Variants in CTNNA1 observed in about 807,000 individuals in gnomAD.
CTNNA1 encodes catenin alpha 1, also known as catenin alpha-1.
In CTNNA1, 37 loss-of-function variants were observed where a neutral mutation model predicts 98.4. The observed-to-expected ratio is 0.38, with a 90% CI of 0.29 to 0.49. The LOEUF is 0.49. CTNNA1 is among the 20% of genes least tolerant of loss of function. The pLI is 0.95. For synonymous variants in CTNNA1, 404 were observed against 413.2 expected (o/e 0.98, Z 0.27); for missense variants, 761 against 1,147.2 (o/e 0.66, Z 4.86).
At chr5:138,915,282 C>T (rs187804109) in intron 10 of CTNNA1, among the ~76,000 whole-genome samples, 1 of 152,208 alleles carries the variant, frequency 6.6e-6, no homozygotes, top group African/African-American at 2.4e-5. Context: ...TGAATACAGC[C>T]GAAGGATCTG....
Position 138,849,002 on chromosome 5 carries a change from G to A in CTNNA1, c.1062+21284G>A, listed in dbSNP as rs780349577. On this transcript the variant is annotated intron_variant, in intron 7 of 17. Transcript: ENST00000302763. ...CTCCCAAATTGCTGGGATTACAGGC[G>A]TGAGCCACCTTGCCCTGCCTGGCAT... Among the ~76,000 whole-genome samples, 63 of 152,100 alleles carry A rather than the reference G, an allele frequency of 4.1e-4. 1 individual carries two copies. Among genetic ancestry groups the A allele is most frequent in the Non-Finnish European group, 1.5e-4 (10 of 68,008 alleles).
chr5:138,825,479 T>A, intron 6 of CTNNA1, among the ~76,000 whole-genome samples: 1 of 110,714 alleles, frequency 9.0e-6, no homozygotes, highest in African/African-American at 3.6e-5. Flanking sequence ...GGCAGCAGTA[T>A]AAGTTTTTTT....
At chr5:138,821,864 G>A (rs1760084050) in intron 5 of CTNNA1, among the ~76,000 whole-genome samples, 1 of 152,028 alleles carries the variant, frequency 6.6e-6, no homozygotes, top group Non-Finnish European at 1.5e-5. Context: ...TCAGTAATCT[G>A]GATTACTTAT....
intron 9 of CTNNA1, 63 bp downstream of exon 9, chr5:138,887,705 C>G: frequency 7.1e-7 from 1 of 1,413,198 alleles, no homozygotes; most frequent in East Asian, 2.3e-5. Context: ...GAGTTTTAAT[C>G]ACATTATTTA....
In CTNNA1 at chr5:138,781,979, G is replaced by C. The variant is rs2149651919; in HGVS notation, c.55G>C (p.Glu19Gln). The stretch of plus-strand genomic sequence containing the variant: ...CTTCAAGTGGGATCCTAAAAGTCTA[G>C]AGATCAGGACTCTGGCAGTTGAGAG... ...INFKWDPKSL[E>Q]IRTLAVERLL... The change falls in exon 2 of 18, where the codon GAG becomes CAG. Residue 19 changes from glutamate (E) to glutamine (Q), a missense_variant. Coordinates refer to ENST00000302763, the MANE Select transcript of CTNNA1 (RefSeq NM_001903.5). 1 of 1,604,204 alleles carries C rather than the reference G, an allele frequency of 6.2e-7. No individual in the cohort carries two copies. Among genetic ancestry groups the C allele is most frequent in the Non-Finnish European group, 8.5e-7 (1 of 1,177,952 alleles).
rs184453000 is a variant in CTNNA1, at chr5:138,800,665, T to C, written c.302-9373T>C. ...AAAGAATAGAAAAATTAGCCAGGCA[T>C]GGTGGCGCATGCCTGTAATCCGAGC... On this transcript the variant is annotated intron_variant, in intron 3 of 17. Transcript: ENST00000302763. Among the ~76,000 whole-genome samples, 144 of 152,094 alleles carry C rather than the reference T, an allele frequency of 9.5e-4. 1 individual carries two copies. Among genetic ancestry groups the C allele is most frequent in the African/African-American group, 3.3e-3 (138 of 41,486 alleles).
chr5:138,763,497 G>A (rs1752589220), intron 1 of CTNNA1, among the ~76,000 whole-genome samples: 1 of 151,958 alleles, frequency 6.6e-6, no homozygotes, highest in South Asian at 2.1e-4. Context: ...TGTGTACTAC[G>A]ACACCCAGCT....
intron 7 of CTNNA1, among the ~76,000 whole-genome samples, chr5:138,829,671 A>C (rs1160042004): frequency 1.3e-5 from 2 of 152,208 alleles, no homozygotes; most frequent in African/African-American, 4.8e-5. Context: ...TATACTGAAG[A>C]CATGGAGACT....
intron 7 of CTNNA1, among the ~76,000 whole-genome samples, chr5:138,846,354 C>T (rs1762728648): frequency 1.3e-5 from 2 of 152,174 alleles, no homozygotes; most frequent in African/African-American, 4.8e-5. Flanking sequence ...TTAAATTGTA[C>T]ACTATCAATG....
chr5:138,885,637 A>G (rs1387869003), intron 7 of CTNNA1, among the ~76,000 whole-genome samples: 1 of 152,206 alleles, frequency 6.6e-6, no homozygotes, highest in Non-Finnish European at 1.5e-5. Flanking sequence ...TAACTGCATT[A>G]AAGCTTAGTC....
intron 9 of CTNNA1, among the ~76,000 whole-genome samples, chr5:138,893,780 C>T (rs566705664): frequency 1.1e-4 from 16 of 151,896 alleles, no homozygotes; most frequent in South Asian, 2.1e-4. Context: ...CGTGCCACCA[C>T]GCCCACGTAA....
chr5:138,753,608 G>A (rs532971231), intron 1 of CTNNA1, 98 bp downstream of exon 1: 1 of 350,184 alleles, frequency 2.9e-6, no homozygotes, highest in South Asian at 1.4e-4. Flanking sequence ...GCGAGCCGCG[G>A]GCGGGCGAGC....
intron 1 of CTNNA1, among the ~76,000 whole-genome samples, chr5:138,776,022 G>A (rs1191310336): frequency 2.0e-5 from 3 of 148,206 alleles, no homozygotes; most frequent in East Asian, 2.0e-4. Flanking sequence ...CACCATGCCC[G>A]GCCTCTGGAA....
chr5:138,773,087 T>C (rs1462151092), intron 1 of CTNNA1, among the ~76,000 whole-genome samples: 2 of 152,230 alleles, frequency 1.3e-5, no homozygotes, highest in Non-Finnish European at 2.9e-5. Flanking sequence ...ATGTTCTCTT[T>C]AGATTTTAAG....
chr5:138,782,266 T>C (rs1351487091), intron 2 of CTNNA1: 4 of 580,504 alleles, frequency 6.9e-6, no homozygotes, highest in South Asian at 1.5e-5. Context: ...GTAGTGCAAC[T>C]TTGCAAATGT....
intron 1 of CTNNA1, among the ~76,000 whole-genome samples, chr5:138,769,784 C>T (rs1200343096): frequency 1.7e-4 from 26 of 152,118 alleles, no homozygotes; most frequent in African/African-American, 5.8e-4. Flanking sequence ...CCGCCCGCCT[C>T]GGCCTCCCAA....
intron 5 of CTNNA1, among the ~76,000 whole-genome samples, chr5:138,820,987 G>T (rs1759983485): frequency 6.6e-6 from 1 of 152,152 alleles, no homozygotes; most frequent in Non-Finnish European, 1.5e-5. Flanking sequence ...TGTTTTAATT[G>T]TTCCTATAAT....
At chr5:138,799,890 A>ATGTATGTATGTATGTG (rs1320107213) in intron 3 of CTNNA1, among the ~76,000 whole-genome samples, 1 of 138,718 alleles carries the variant, frequency 7.2e-6, no homozygotes, top group Non-Finnish European at 1.5e-5. Flanking sequence ...GTATGTATGT[A>ATGTATGTATGTATGTG]TGTGTGTGTG....
chr5:138,843,534 G>A (rs1762441763), intron 7 of CTNNA1, among the ~76,000 whole-genome samples: 1 of 152,136 alleles, frequency 6.6e-6, no homozygotes, highest in Non-Finnish European at 1.5e-5. Context: ...TGATTCTTAA[G>A]CCAATTAGAT....
Sources: allele counts gnomAD v4.1 joint callset (sites outside exome capture counted in the v4.1 genomes callset), GRCh38; gene constraint gnomAD v4.1.1; transcripts MANE v1.5; gene names NCBI Gene and HGNC (gene_info 2026-07-23, HGNC 2026-07-21).